DNASE1L3: variants seen among roughly 807,000 people sequenced by gnomAD.
DNASE1L3 encodes the protein deoxyribonuclease gamma.
A neutral mutation model predicts 30.9 loss-of-function variants in DNASE1L3; 27 were observed. The ratio of observed to expected loss-of-function variants is 0.87; its 90% CI spans 0.64 to 1.20. The LOEUF (loss-of-function observed/expected upper bound fraction) is 1.20, where lower values mean the gene tolerates loss of function less well. Ranked by LOEUF, DNASE1L3 falls within the 50% of genes most tolerant of loss-of-function variation. The pLI, the probability that DNASE1L3 is intolerant of heterozygous loss-of-function variation, is 0.00. For synonymous variants in DNASE1L3, 135 were observed against 138.0 expected, an observed-to-expected ratio of 0.98 and a Z score of 0.15; for missense variants, 364 against 378.2, an observed-to-expected ratio of 0.96 and a Z score of 0.31.
Position 58,193,358 on chromosome 3 carries a change from C to T in DNASE1L3, c.786G>A (p.Lys262=). The T allele has an allele frequency of 6.2e-7, 1 of 1,614,140 alleles. No homozygotes were observed. Among genetic ancestry groups the T allele is most frequent in the Non-Finnish European group, 8.5e-7 (1 of 1,180,032 alleles). ...GCAACCTTACCTCCTCTTCAGTCAGCTTGTAAGCTTTCTGGAAGTCAAAAA... is the reference window on the plus strand; with the variant it reads ...GCAACCTTACCTCCTCTTCAGTCAGTTTGTAAGCTTTCTGGAAGTCAAAAA... ...NSVFDFQKAY[K]LTEEEALDVS... Residue 262 remains lysine (K), a synonymous_variant, in exon 7 of 8, where the codon AAG becomes AAA. Coordinates refer to ENST00000394549, the MANE Select transcript of DNASE1L3 (RefSeq NM_004944.4).
At position 58,197,824 on chromosome 3, in the gene DNASE1L3, T is replaced by A. The variant is rs1444460692; in HGVS notation, c.701A>T (p.Asp234Val). The A allele has an allele frequency of 6.2e-7, 1 of 1,613,846 alleles. No homozygotes were observed. The highest frequency in any genetic ancestry group is 1.7e-5 in the Admixed American group (1 of 60,022). ...TVKKSTNCAYDRIVLRGQEIV... is the reference protein window; with the variant it reads ...TVKKSTNCAYVRIVLRGQEIV... ...AGCACCCTGCAGGGCCTCCTACCTG[T>A]CATATGCACAGTTGGTGCTCTTCTT... The change falls in exon 6 of 8, where the codon GAC becomes GTC. Residue 234 changes from aspartate (D) to valine (V), a missense_variant. Transcript: ENST00000394549. The surrounding 1 kb of genome is among the most constrained non-coding windows in gnomAD (Gnocchi z 5.3).
intron 4 of DNASE1L3, among the ~76,000 whole-genome samples, chr3:58,202,221 C>G (rs1291199656): frequency 6.7e-6 from 1 of 150,202 alleles, no homozygotes; most frequent in Admixed American, 6.6e-5. Flanking sequence ...TTTCGGCTCA[C>G]TGCAACCTCT....
rs200523925 is a variant in DNASE1L3 at position 58,202,276 on chromosome 3, A to G, written c.434-1167T>C. Among the ~76,000 whole-genome samples, 37 of 141,978 alleles carry G rather than the reference A, an allele frequency of 2.6e-4. No individual in the cohort carries two copies. The East Asian group carries it at 7.8e-3, about 30-fold the overall frequency. The allele number at this position is 141,978 out of a possible 152,430, so 93.1% of individuals were successfully genotyped here. On this transcript the variant is annotated intron_variant, in intron 4 of 7. Coordinates refer to ENST00000394549, the MANE Select transcript of DNASE1L3 (RefSeq NM_004944.4). The stretch of plus-strand genomic sequence containing the variant: ...TTCTCCTGCCTCAGCCTCCCAAGTA[A>G]CTGGGATTACAGGCATGCACCATCA...
intron 7 of DNASE1L3, 128 bp downstream of exon 7, chr3:58,193,215 C>A: frequency 7.0e-7 from 1 of 1,427,672 alleles, no homozygotes; most frequent in Non-Finnish European, 9.5e-7. Context: ...TAGCTGGGAC[C>A]ATAGGCATGC....
At position 58,192,614 on chromosome 3, in the gene DNASE1L3, G is replaced by C; in HGVS notation, c.*73C>G. 1 of 1,448,952 alleles carries C rather than the reference G, an allele frequency of 6.9e-7. No individual in the cohort carries two copies. The allele number at this position is 1,448,952 out of a possible 1,614,324, so 89.8% of individuals were successfully genotyped here. On this transcript the variant is annotated 3_prime_UTR_variant, in exon 8 of 8. Coordinates refer to ENST00000394549, the MANE Select transcript of DNASE1L3 (RefSeq NM_004944.4). The surrounding 1 kb of genome is among the most constrained non-coding windows in gnomAD (Gnocchi z 4.8). ...GGATCACTCTTGTTTCCTAAGTACA[G>C]GGAGCAGTTCATATCTGTTAGAGAC...
In DNASE1L3 at chr3:58,210,845, A is replaced by C. The variant is rs759796258; in HGVS notation, c.62T>G (p.Met21Arg). The change falls in exon 1 of 8, where the codon ATG (methionine) becomes AGG (arginine). Residue 21 changes from methionine to arginine, a missense_variant. Coordinates refer to ENST00000394549, the MANE Select transcript of DNASE1L3 (RefSeq NM_004944.4). Reference sequence around the variant, plus strand: ...CCTGACGTTGAAGGAGCAGATCCTCATGGCCAGGGCGCTGTGGATGGAGAG... The same window carrying C: ...CCTGACGTTGAAGGAGCAGATCCTCCTGGCCAGGGCGCTGTGGATGGAGAG... Reference protein sequence around the residue: ...LLLSIHSALAMRICSFNVRSF... With the variant: ...LLLSIHSALARRICSFNVRSF... 2 of 1,614,122 alleles carry C rather than the reference A, an allele frequency of 1.2e-6. No homozygotes were observed. Among genetic ancestry groups the C allele is most frequent in the Admixed American group, 3.3e-5 (2 of 60,014 alleles).
chr3:58,193,094 TGA>T, intron 7 of DNASE1L3: 9 of 1,339,502 alleles, frequency 6.7e-6, no homozygotes, highest in East Asian at 2.8e-5. Flanking sequence ...TTTTTTTTTT[TGA>T]GACAGGATCT....
intron 6 of DNASE1L3, among the ~76,000 whole-genome samples, chr3:58,193,863 A>G (rs2097395644): frequency 6.6e-6 from 1 of 152,196 alleles, no homozygotes; most frequent in Admixed American, 6.5e-5. Context: ...GTGTTGACAG[A>G]GAGTAGGCTG....
chr3:58,193,769 C>T (rs2097395608), intron 6 of DNASE1L3, among the ~76,000 whole-genome samples: 3 of 152,176 alleles, frequency 2.0e-5, no homozygotes, highest in Admixed American at 2.0e-4. Context: ...GTTCCTTTTT[C>T]AATTATTTTT....
chr3:58,202,317 GTTTTTTTTTT>G (rs1171213238), intron 4 of DNASE1L3, among the ~76,000 whole-genome samples: 1 of 48,828 alleles, frequency 2.0e-5, no homozygotes, highest in South Asian at 1.1e-3. Context: ...GGCTAGCTTT[GTTTTTTTTTT>G]TTTTTTTTTT....
intron 2 of DNASE1L3, among the ~76,000 whole-genome samples, chr3:58,207,527 CAA>C (rs1206336239): frequency 6.8e-6 from 1 of 146,380 alleles, no homozygotes; most frequent in Non-Finnish European, 1.5e-5. Flanking sequence ...CATGGAAACA[CAA>C]ACACACCCTT....
intron 1 of DNASE1L3, among the ~76,000 whole-genome samples, chr3:58,210,250 A>AAG (rs1303067203): frequency 7.5e-6 from 1 of 133,694 alleles, no homozygotes; most frequent in African/African-American, 2.8e-5. Flanking sequence ...AAGAAAAAGA[A>AAG]AGAAAGAAAG....
At chr3:58,205,226 G>T (rs979702712) in intron 3 of DNASE1L3, among the ~76,000 whole-genome samples, 7 of 152,222 alleles carry the variant, frequency 4.6e-5, no homozygotes, top group Admixed American at 2.6e-4. Context: ...TGACTATGAG[G>T]AGTAAAGAAC....
rs1323922967 is a variant in DNASE1L3, at chr3:58,210,957, A to C, written c.-51T>G. 6.2e-7 allele frequency: 1 copy of C among 1,604,090 alleles called. No homozygotes were observed. The highest frequency in any genetic ancestry group is 2.2e-5 in the East Asian group (1 of 44,640). ...TCTGTGAGAAGACAGCAGTGCTTGG[A>C]GTGCTGGATTCTGGCCACTTCCGCA... On this transcript the variant is annotated 5_prime_UTR_variant, in exon 1 of 8. Transcript: ENST00000394549.
At position 58,200,869 on chromosome 3, in the gene DNASE1L3, AATGCT is replaced by A; in HGVS notation, c.546+123_546+127del. 7.6e-6 allele frequency: 5 copies of A among 655,122 alleles called. No homozygotes were observed. The highest frequency in any genetic ancestry group is 1.3e-5 in the Non-Finnish European group (5 of 389,482). 40.6% of individuals were successfully genotyped at this position (655,122 alleles called of 1,614,324 possible). On this transcript the variant is annotated intron_variant, in intron 5 of 7. Coordinates refer to ENST00000394549, the MANE Select transcript of DNASE1L3 (RefSeq NM_004944.4). The surrounding 1 kb of genome is among the most constrained non-coding windows in gnomAD (Gnocchi z 4.2). Reference sequence around the variant, plus strand: ...TTAGGGCTGAAGAAAGGCCTTAAAGAATGCTGTAAGTGGTGGTAGCCTGCACATGC... The same window carrying A: ...TTAGGGCTGAAGAAAGGCCTTAAAGAGTAAGTGGTGGTAGCCTGCACATGC...
In DNASE1L3 at chr3:58,198,491, T is replaced by C. The variant is rs559088896; in HGVS notation, c.547-513A>G. ...ACTTTGTTATGGCAGCTCTAGCAAATGAATATAAGGTCTTTAAAAATTTCT... is the reference window on the plus strand; with the variant it reads ...ACTTTGTTATGGCAGCTCTAGCAAACGAATATAAGGTCTTTAAAAATTTCT... On this transcript the variant is annotated intron_variant, in intron 5 of 7. Coordinates refer to ENST00000394549, the MANE Select transcript of DNASE1L3 (RefSeq NM_004944.4). Among the ~76,000 whole-genome samples the C allele has an allele frequency of 2.6e-4, 40 of 152,306 alleles. No individual in the cohort carries two copies. In the East Asian group the frequency reaches 7.7e-3, roughly 29 times the overall value.
Position 58,204,752 on chromosome 3 carries a change from G to A in DNASE1L3, c.433+17C>T, listed in dbSNP as rs1553714151. 12 of 1,607,236 alleles carry A rather than the reference G, an allele frequency of 7.5e-6. No homozygotes were observed. The highest frequency in any genetic ancestry group is 2.2e-5 in the East Asian group (1 of 44,876). On this transcript the variant is annotated intron_variant, in intron 4 of 7. Coordinates refer to ENST00000394549, the MANE Select transcript of DNASE1L3 (RefSeq NM_004944.4). ...CGTTGGGGAGGTCCCAGACAGAAAG[G>A]CCTGTGTGGGTCTTACCAGTGTGGG...
intron 2 of DNASE1L3, 22 bp downstream of exon 2, chr3:58,208,196 G>A: frequency 1.2e-6 from 2 of 1,612,672 alleles, no homozygotes; most frequent in Non-Finnish European, 8.5e-7. Flanking sequence ...AGCCCTAGAG[G>A]GCCCACCCTT....
At position 58,197,807 on chromosome 3, in the gene DNASE1L3, G is replaced by A. The variant is rs1393249782; in HGVS notation, c.704+14C>T. ...CACTGTGGTGAGCCAGCAGCACCCT[G>A]CAGGGCCTCCTACCTGTCATATGCA... On this transcript the variant is annotated intron_variant, in intron 6 of 7. Coordinates refer to ENST00000394549, the MANE Select transcript of DNASE1L3 (RefSeq NM_004944.4). This position sits in a 1 kb window ranked among gnomAD's most constrained non-coding sequence, Gnocchi z 5.3. The A allele has an allele frequency of 1.9e-6, 3 of 1,613,264 alleles. No individual in the cohort carries two copies. The highest frequency in any genetic ancestry group is 2.5e-6 in the Non-Finnish European group (3 of 1,179,974).
Sources: gnomAD v4.1 joint callset for allele counts (sites outside exome capture counted in the v4.1 genomes callset) on GRCh38, gnomAD v4.1.1 for gene constraint, Gnocchi (gnomAD v3.1) non-coding constraint, MANE v1.5 for transcripts, NCBI Gene and HGNC (gene_info 2026-07-23, HGNC 2026-07-21) for gene names.